Variants in SGSM1 observed in about 807,000 individuals in gnomAD.
SGSM1 encodes small G protein signaling modulator 1.
In SGSM1, 73 loss-of-function variants were observed where a neutral mutation model predicts 133.8. That is an observed-to-expected ratio of 0.55 (90% CI 0.45 to 0.66). The LOEUF (loss-of-function observed/expected upper bound fraction) is 0.66, where lower values mean the gene tolerates loss of function less well. SGSM1 is among the 30% of genes least tolerant of loss of function. SGSM1 has a pLI of 0.00. For missense variants in SGSM1, 1,213 were observed against 1,448.1 expected (o/e 0.84, Z 2.64); for synonymous variants, 563 against 573.0 (o/e 0.98, Z 0.25).
chr22:24,874,179 T>A (rs1327333232), intron 12 of SGSM1, among the ~76,000 whole-genome samples: 1 of 152,224 alleles, frequency 6.6e-6, no homozygotes, highest in Non-Finnish European at 1.5e-5. Context: ...GAACAATAAC[T>A]GGTTTCCTTA....
intron 4 of SGSM1, among the ~76,000 whole-genome samples, chr22:24,849,736 G>C (rs1930346242): frequency 6.6e-6 from 1 of 152,222 alleles, no homozygotes; most frequent in South Asian, 2.1e-4. Flanking sequence ...CTTACAGAGT[G>C]AGAGGGATCA....
chr22:24,866,292 G>A (rs1931453333), intron 9 of SGSM1, among the ~76,000 whole-genome samples: 1 of 152,088 alleles, frequency 6.6e-6, no homozygotes, highest in Non-Finnish European at 1.5e-5. Flanking sequence ...CAATGGGGTG[G>A]GTGTTATTCT....
At chr22:24,905,596 G>A (rs1488072364) in intron 21 of SGSM1, among the ~76,000 whole-genome samples, 1 of 151,890 alleles carries the variant, frequency 6.6e-6, no homozygotes, top group East Asian at 1.9e-4. Context: ...GACCATCCTG[G>A]TGAACACGGT....
At position 24,927,209 on chromosome 22, in the gene SGSM1, G is replaced by A. The variant is rs1569184049; in HGVS notation, c.*2935G>A. ...CAGATAGGCAACTCTGCTTCTGATG[G>A]TTGTCTGGCTGTTGACTAGGGCAGT... On this transcript the variant is annotated 3_prime_UTR_variant, in exon 25 of 25. Coordinates refer to ENST00000400358, the MANE Select transcript of SGSM1 (RefSeq NM_001098497.3). The A allele has an allele frequency of 6.6e-6, 1 of 152,234 alleles. No individual in the cohort carries two copies. The highest frequency in any genetic ancestry group is 1.5e-5 in the Non-Finnish European group (1 of 68,084). 9.4% of individuals were successfully genotyped at this position (152,234 alleles called of 1,614,324 possible). A position where few individuals can be genotyped will look rare whatever the true frequency, so the allele number is the denominator to read the frequency against.
At position 24,898,089 on chromosome 22, in the gene SGSM1, C is replaced by A; in HGVS notation, c.2140C>A (p.His714Asn). The A allele has an allele frequency of 6.2e-7, 1 of 1,613,978 alleles. No individual in the cohort carries two copies. Among genetic ancestry groups the A allele is most frequent in the South Asian group, 1.1e-5 (1 of 91,060 alleles). The change falls in exon 19 of 25, where the codon CAT (histidine) becomes AAT (asparagine). Residue 714 changes from histidine to asparagine, a missense_variant. By Grantham distance (68) the His-to-Asn change is moderately conservative. Transcript: ENST00000400358. ...CGGCACTTGTTCCCCAGACTCGGGT[C>A]ATCCTTCCTCCCATAACTTCTCCTC... ...VNGTCSPDSG[H>N]PSSHNFSSGL...
intron 2 of SGSM1, among the ~76,000 whole-genome samples, chr22:24,836,725 A>G (rs139645): frequency 0.077 from 11,674 of 152,298 alleles, 492 homozygotes; most frequent in Middle Eastern, 0.14. Flanking sequence ...TCATTTGCAC[A>G]TCTTCTTCAG....
intron 2 of SGSM1, among the ~76,000 whole-genome samples, chr22:24,828,510 A>C (rs1020813441): frequency 6.6e-6 from 1 of 152,234 alleles, no homozygotes; most frequent in African/African-American, 2.4e-5. Context: ...ACATGAAAAA[A>C]AGCTCAACAT....
At chr22:24,893,650 G>C in intron 17 of SGSM1, 37 bp downstream of exon 17, 1 of 1,513,948 alleles carries the variant, frequency 6.6e-7, no homozygotes, top group Middle Eastern at 1.8e-4. Flanking sequence ...GCGGGGGCTG[G>C]GGAAGGTCAG....
Position 24,884,581 on chromosome 22 carries a change from A to G in SGSM1, c.1641+383A>G, listed in dbSNP as rs369638217. 1.6e-3 allele frequency among the ~76,000 whole-genome samples: 243 copies of G among 152,284 alleles called. 2 individuals carry two copies. Among genetic ancestry groups the G allele is most frequent in the African/African-American group, 5.5e-3 (228 of 41,562 alleles). Reference sequence around the variant, plus strand: ...AGACCAGCCTGTCAAACACGGTGAAACCCCATCTCTACTAAAAATAGAAAA... The same window carrying G: ...AGACCAGCCTGTCAAACACGGTGAAGCCCCATCTCTACTAAAAATAGAAAA... On this transcript the variant is annotated intron_variant, in intron 15 of 24. Transcript: ENST00000400358.
chr22:24,893,180 T>C (rs1047859050), intron 16 of SGSM1, among the ~76,000 whole-genome samples: 1 of 152,102 alleles, frequency 6.6e-6, no homozygotes, highest in Non-Finnish European at 1.5e-5. Flanking sequence ...AATGAATAGT[T>C]GAAATTTATA....
Position 24,847,645 on chromosome 22 carries a change from G to T in SGSM1, c.151G>T (p.Ala51Ser), listed in dbSNP as rs769368121. The T allele has an allele frequency of 3.1e-6, 5 of 1,613,476 alleles. No individual in the cohort carries two copies. Among genetic ancestry groups the T allele is most frequent in the South Asian group, 1.1e-5 (1 of 91,040 alleles). Reference sequence around the variant, plus strand: ...CCATGTCCCTGCAGCGGCTGTGGAGGCCTGCGTTCTGCACGGGCTTCGGCG... The same window carrying T: ...CCATGTCCCTGCAGCGGCTGTGGAGTCCTGCGTTCTGCACGGGCTTCGGCG... ...HIISFCAAVE[A>S]CVLHGLRRRA... is the part of the protein sequence containing the mutation. The change falls in exon 4 of 25, where the codon GCC becomes TCC. Residue 51 changes from alanine (A) to serine (S), a missense_variant. Transcript: ENST00000400358.
chr22:24,884,308 G>A (rs143021264), intron 15 of SGSM1, 110 bp downstream of exon 15: 3 of 1,391,638 alleles, frequency 2.2e-6, no homozygotes, highest in Admixed American at 2.6e-5. Flanking sequence ...TGACGTGCTT[G>A]GATTCTGCAT....
intron 22 of SGSM1, among the ~76,000 whole-genome samples, chr22:24,914,594 C>T (rs577188223): frequency 6.6e-6 from 1 of 152,178 alleles, no homozygotes; most frequent in East Asian, 1.9e-4. Context: ...CTATGTTCAC[C>T]ATTATAATGC....
intron 2 of SGSM1, among the ~76,000 whole-genome samples, chr22:24,835,104 T>C (rs1349895936): frequency 6.6e-6 from 1 of 152,184 alleles, no homozygotes; most frequent in East Asian, 1.9e-4. Context: ...TTGGTGGTGA[T>C]GTTTCCCCCT....
chr22:24,845,348 C>T lies in SGSM1; in HGVS notation c.139+376C>T, dbSNP rs557259750. Among the ~76,000 whole-genome samples the T allele has an allele frequency of 3.9e-5, 6 of 152,198 alleles. 1 individual carries two copies. The highest frequency in any genetic ancestry group is 1.2e-4 in the African/African-American group (5 of 41,522). On this transcript the variant is annotated intron_variant, in intron 3 of 24. Transcript: ENST00000400358. Reference sequence around the variant, plus strand: ...CTTTTAAAAAAGGGAACTAAGAGCCCGTGACACATCCTGAAGGATCGCGTC... The same window carrying T: ...CTTTTAAAAAAGGGAACTAAGAGCCTGTGACACATCCTGAAGGATCGCGTC...
At chr22:24,862,891 C>T (rs1931234325) in intron 9 of SGSM1, among the ~76,000 whole-genome samples, 1 of 149,662 alleles carries the variant, frequency 6.7e-6, no homozygotes, top group African/African-American at 2.5e-5. Context: ...CCTTAGAACT[C>T]AAGGCATTCC....
intron 18 of SGSM1, among the ~76,000 whole-genome samples, chr22:24,896,929 A>G (rs1212891124): frequency 1.3e-5 from 2 of 152,086 alleles, no homozygotes; most frequent in African/African-American, 4.8e-5. Flanking sequence ...GTGAGCCAAG[A>G]TCGTGCCACT....
chr22:24,863,935 T>C (rs1931305204), intron 9 of SGSM1, among the ~76,000 whole-genome samples: 1 of 151,764 alleles, frequency 6.6e-6, no homozygotes, highest in African/African-American at 2.4e-5. Flanking sequence ...GAGACGGGGT[T>C]TTTCCATGTT....
At chr22:24,836,875 G>A (rs1404778251) in intron 2 of SGSM1, among the ~76,000 whole-genome samples, 3 of 152,140 alleles carry the variant, frequency 2.0e-5, no homozygotes, top group Non-Finnish European at 2.9e-5. Flanking sequence ...ACGGGTTGCC[G>A]TTTTCACTGT....
Sources: allele counts gnomAD v4.1 joint callset (sites outside exome capture counted in the v4.1 genomes callset), GRCh38; gene constraint gnomAD v4.1.1; transcripts MANE v1.5; gene names NCBI Gene and HGNC (gene_info 2026-07-23, HGNC 2026-07-21).